MYRIP: variants seen among roughly 807,000 people sequenced by gnomAD.
MYRIP encodes the protein myosin VIIA and Rab interacting protein.
In MYRIP, 49 loss-of-function variants were observed where a neutral mutation model predicts 98.0. That is an observed-to-expected ratio of 0.50 (90% CI 0.40 to 0.63). The LOEUF is 0.63. MYRIP is among the 30% of genes least tolerant of loss of function. The pLI is 0.00. For missense variants in MYRIP, 1,004 were observed against 1,058.2 expected (o/e 0.95, Z 0.71); for synonymous variants, 404 against 409.5 (o/e 0.99, Z 0.16).
chr3:40,215,688 C>T (rs914529135), intron 11 of MYRIP, among the ~76,000 whole-genome samples: 3 of 152,158 alleles, frequency 2.0e-5, no homozygotes, highest in Admixed American at 6.5e-5. Flanking sequence ...CTTAACCATT[C>T]ATGTGAGGCT....
At chr3:40,225,359 A>C (rs1952458910) in intron 11 of MYRIP, among the ~76,000 whole-genome samples, 1 of 152,106 alleles carries the variant, frequency 6.6e-6, no homozygotes, top group Admixed American at 6.5e-5. Flanking sequence ...AAATCAATGC[A>C]CTTATTCTAG....
At chr3:40,112,157 T>A (rs1949170521) in intron 3 of MYRIP, among the ~76,000 whole-genome samples, 1 of 150,058 alleles carries the variant, frequency 6.7e-6, no homozygotes, top group Non-Finnish European at 1.5e-5. Flanking sequence ...GGGTTCTTAA[T>A]ACAGGAGGGA....
At position 40,221,798 on chromosome 3, in the gene MYRIP, C is replaced by T. The variant is rs866310409; in HGVS notation, c.1905+11705C>T. Among the ~76,000 whole-genome samples, 35 of 152,122 alleles carry T rather than the reference C, an allele frequency of 2.3e-4. 1 individual carries two copies. The highest frequency in any genetic ancestry group is 2.2e-3 in the Admixed American group (33 of 15,258). On this transcript the variant is annotated intron_variant, in intron 11 of 16. Coordinates refer to ENST00000302541, the MANE Select transcript of MYRIP (RefSeq NM_015460.4). Reference sequence around the variant, plus strand: ...GCAATTGTACTTTCAATTATTTATCCAAAGAAAAACCTGGAGAAGCACCCA... The same window carrying T: ...GCAATTGTACTTTCAATTATTTATCTAAAGAAAAACCTGGAGAAGCACCCA...
intron 1 of MYRIP, among the ~76,000 whole-genome samples, chr3:39,884,905 A>C: frequency 7.0e-6 from 1 of 142,708 alleles, no homozygotes; most frequent in East Asian, 2.3e-4. Flanking sequence ...ATCTCAATCC[A>C]TGTCTCTCTC....
At chr3:39,811,818 T>A (rs1025896254) in intron 1 of MYRIP, among the ~76,000 whole-genome samples, 4 of 152,108 alleles carry the variant, frequency 2.6e-5, no homozygotes, top group African/African-American at 9.7e-5. Context: ...GCAGAATTTG[T>A]TCACTTTTGA....
chr3:39,932,649 CAAG>C (rs1187301718), intron 2 of MYRIP, among the ~76,000 whole-genome samples: 10 of 152,108 alleles, frequency 6.6e-5, no homozygotes. Flanking sequence ...CCTCCCAACA[CAAG>C]ATGAGTCTTA....
intron 2 of MYRIP, among the ~76,000 whole-genome samples, chr3:40,018,116 C>A (rs556295412): frequency 5.3e-4 from 81 of 152,250 alleles, no homozygotes; most frequent in African/African-American, 1.9e-3. Context: ...TTTGGAGGCA[C>A]CTCCTTATTT....
intron 2 of MYRIP, among the ~76,000 whole-genome samples, chr3:40,033,604 A>T (rs1387106114): frequency 6.6e-6 from 1 of 152,260 alleles, no homozygotes; most frequent in African/African-American, 2.4e-5. Context: ...TTCCATGCTC[A>T]TGGGTAGGAA....
chr3:40,205,925 T>C (rs910789104), intron 10 of MYRIP, among the ~76,000 whole-genome samples: 4 of 152,168 alleles, frequency 2.6e-5, no homozygotes, highest in Admixed American at 6.5e-5. Flanking sequence ...AGCTTCCCAT[T>C]TCCTGTTCAA....
intron 2 of MYRIP, among the ~76,000 whole-genome samples, chr3:39,916,295 C>G (rs1230660140): frequency 1.3e-5 from 2 of 151,858 alleles, no homozygotes; most frequent in Non-Finnish European, 2.9e-5. Flanking sequence ...ACTGTCTCAA[C>G]TAAAAGATAA....
At chr3:39,891,030 A>ATAT (rs1218824278) in intron 1 of MYRIP, among the ~76,000 whole-genome samples, 1 of 151,982 alleles carries the variant, frequency 6.6e-6, no homozygotes, top group East Asian at 1.9e-4. Context: ...CTTTCCACGT[A>ATAT]TATTTGGTCT....
chr3:39,873,344 G>T (rs1000485621), intron 1 of MYRIP, among the ~76,000 whole-genome samples: 27 of 152,072 alleles, frequency 1.8e-4, no homozygotes, highest in Non-Finnish European at 2.4e-4. Context: ...TTAGTTTAAT[G>T]AGATCCCATT....
At chr3:40,011,367 T>C (rs1408834507) in intron 2 of MYRIP, among the ~76,000 whole-genome samples, 1 of 152,170 alleles carries the variant, frequency 6.6e-6, no homozygotes, top group Non-Finnish European at 1.5e-5. Flanking sequence ...TTCCCTTCCC[T>C]CTTTCTATTC....
intron 9 of MYRIP, among the ~76,000 whole-genome samples, chr3:40,182,926 A>G (rs747514478): frequency 2.5e-4 from 38 of 152,028 alleles, no homozygotes; most frequent in Non-Finnish European, 4.7e-4. Context: ...TAATACAATC[A>G]TTTTCTTTTT....
chr3:39,958,124 A>C (rs1478672695), intron 2 of MYRIP, among the ~76,000 whole-genome samples: 4 of 152,248 alleles, frequency 2.6e-5, no homozygotes, highest in African/African-American at 9.6e-5. Flanking sequence ...TTATAGATTC[A>C]ATGCCATCCC....
intron 1 of MYRIP, among the ~76,000 whole-genome samples, chr3:39,875,405 C>T (rs1380452607): frequency 3.3e-5 from 5 of 151,270 alleles, no homozygotes; most frequent in Admixed American, 3.3e-4. Context: ...TTTGCTCTTG[C>T]TTTTCTAGTT....
At chr3:40,022,898 A>G (rs758642053) in intron 2 of MYRIP, among the ~76,000 whole-genome samples, 3 of 152,206 alleles carry the variant, frequency 2.0e-5, no homozygotes, top group South Asian at 2.1e-4. Flanking sequence ...GTTTGATTCC[A>G]CATAAGATCG....
chr3:40,222,033 G>A (rs1166067943), intron 11 of MYRIP, among the ~76,000 whole-genome samples: 1 of 152,168 alleles, frequency 6.6e-6, no homozygotes. Context: ...CTTAACCCAA[G>A]AGGGTTCTTG....
In MYRIP at chr3:40,155,364, G is replaced by T. The variant is rs1336355210; in HGVS notation, c.469+4180G>T. ...GCATAGTATTCCATGGTGTATATGT[G>T]CCACATTTTCTTAATCCAGTCTATC... On this transcript the variant is annotated intron_variant, in intron 4 of 16. Transcript: ENST00000302541. Among the ~76,000 whole-genome samples, 1,382 of 150,356 alleles carry T rather than the reference G, an allele frequency of 9.2e-3. 18 individuals carry two copies. Among genetic ancestry groups the T allele is most frequent in the African/African-American group, 0.032 (1,316 of 41,046 alleles).
Sources: gnomAD v4.1 joint callset for allele counts (sites outside exome capture counted in the v4.1 genomes callset) on GRCh38, gnomAD v4.1.1 for gene constraint, MANE v1.5 for transcripts, NCBI Gene and HGNC (gene_info 2026-07-23, HGNC 2026-07-21) for gene names.